The following SEPTIN4 variants were observed in gnomAD, a reference collection of about 807,000 sequenced individuals.
SEPTIN4 encodes septin-4.
A neutral mutation model predicts 107.1 loss-of-function variants in SEPTIN4; 52 were observed. The observed-to-expected ratio is 0.49, with a 90% CI of 0.39 to 0.61. The LOEUF (loss-of-function observed/expected upper bound fraction) is 0.61, where lower values mean the gene tolerates loss of function less well. Among genes scored for constraint, SEPTIN4 ranks in the 20% least tolerant of loss-of-function variants. SEPTIN4 has a pLI of 0.00. For synonymous variants in SEPTIN4, 417 were observed against 467.0 expected (o/e 0.89, Z 1.38); for missense variants, 1,048 against 1,243.5 (o/e 0.84, Z 2.36).
chr17:58,531,375 C>G (rs1056583698), intron 3 of SEPTIN4: 1 of 152,302 alleles, frequency 6.6e-6, no homozygotes, highest in Non-Finnish European at 1.5e-5. Context: ...CTAATCCCAC[C>G]GGGCAGGATG....
Position 58,525,763 on chromosome 17 carries a change from T to A in SEPTIN4, c.2024A>T (p.Lys675Ile). ...GAAGAGGCTATTGACAAGTGTGGAT[T>A]TGCCCAGGCCAGACTCTCCTGAGAG... ...LMVAGESGLG[K>I]STLVNSLFLT... Residue 675 changes from lysine (K) to isoleucine (I), a missense_variant, in exon 6 of 14, where the codon AAA (lysine) becomes ATA (isoleucine). Lys to Ile is a moderately radical substitution (Grantham distance 102, BLOSUM62 -3). Transcript: ENST00000672673. 1 of 1,614,148 alleles carries A rather than the reference T, an allele frequency of 6.2e-7. No individual in the cohort carries two copies. The highest frequency in any genetic ancestry group is 1.1e-5 in the South Asian group (1 of 91,078).
At position 58,525,781 on chromosome 17, in the gene SEPTIN4, C is replaced by T; in HGVS notation, c.2006G>A (p.Gly669Glu). ...KGFDFTLMVA[G>E]ESGLGKSTLV... ...TGTGGATTTGCCCAGGCCAGACTCTCCTGAGAGGAGAGAGGACAGAGGCAC... is the reference window on the plus strand; with the variant it reads ...TGTGGATTTGCCCAGGCCAGACTCTTCTGAGAGGAGAGAGGACAGAGGCAC... Residue 669 changes from glycine (G) to glutamate (E), a missense_variant and splice_region_variant, in exon 6 of 14, where the codon GGA becomes GAA. By Grantham distance (98) the Gly-to-Glu change is moderately conservative. This residue lies in a region of SEPTIN4 where 787 missense variants were observed against 871.8 expected (regional missense o/e 0.90). Coordinates refer to ENST00000672673, the MANE Select transcript of SEPTIN4 (RefSeq NM_001368771.2). 1 of 1,613,584 alleles carries T rather than the reference C, an allele frequency of 6.2e-7. No individual in the cohort carries two copies. Among genetic ancestry groups the T allele is most frequent in the Non-Finnish European group, 8.5e-7 (1 of 1,179,506 alleles).
rs749736517 is a variant in SEPTIN4, at chr17:58,521,370, C to A, written c.2572-20G>T. On this transcript the variant is annotated intron_variant, in intron 10 of 13. Transcript: ENST00000672673. This position sits in a 1 kb window ranked among gnomAD's most constrained non-coding sequence, Gnocchi z 6.4. ...GCTTTCCTGGAAGAGGTTAGGGGTG[C>A]CTGTCAGCACCCTCTGTTCTCACCT... is the stretch of plus-strand genomic sequence containing the variant. The A allele has an allele frequency of 3.7e-6, 6 of 1,606,606 alleles. No homozygotes were observed. Among genetic ancestry groups the A allele is most frequent in the South Asian group, 1.1e-5 (1 of 90,924 alleles).
In SEPTIN4 at chr17:58,543,287, A is replaced by G; in HGVS notation, c.900T>C (p.Ser300=). 1 of 1,614,198 alleles carries G rather than the reference A, an allele frequency of 6.2e-7. No individual in the cohort carries two copies. Among genetic ancestry groups the G allele is most frequent in the Non-Finnish European group, 8.5e-7 (1 of 1,180,046 alleles). Residue 300 remains serine, a synonymous_variant, in exon 1 of 14, where the codon TCT becomes TCC. Transcript: ENST00000672673. ...CGGAGGGCTTGGTTTCAGGATAGGC[A>G]GAATACTTATGAAGAGACTCAGGGT... The part of the protein sequence containing the change: ...RVDPESLHKY[S]AYPETKPSAK...
intron 7 of SEPTIN4, 48 bp from the exon 8 acceptor site, chr17:58,522,149 C>T (rs2042343200): frequency 6.2e-7 from 1 of 1,609,606 alleles, no homozygotes; most frequent in Admixed American, 1.7e-5. Context: ...TGGGAGCCAC[C>T]TAGTGAGCTC....
At chr17:58,520,912 T>C (rs1353276753) in intron 12 of SEPTIN4, 70 bp from the exon 13 acceptor site, 22 of 1,612,158 alleles carry the variant, frequency 1.4e-5, no homozygotes, top group South Asian at 5.5e-5. Flanking sequence ...CCAGGGCCTA[T>C]AGAAGAACAA....
chr17:58,539,319 G>C, intron 3 of SEPTIN4: 1 of 617,548 alleles, frequency 1.6e-6, no homozygotes, highest in Non-Finnish European at 2.7e-6. Flanking sequence ...GGATGAAGGT[G>C]GGGGAGAACA....
chr17:58,526,013 G>C (rs2042820195), intron 5 of SEPTIN4, among the ~76,000 whole-genome samples: 1 of 152,070 alleles, frequency 6.6e-6, no homozygotes, highest in Admixed American at 6.5e-5. Flanking sequence ...TTGGTCAGAT[G>C]CTCTTTGCAA....
chr17:58,523,603 T>C (rs1242627050), intron 7 of SEPTIN4, among the ~76,000 whole-genome samples: 1 of 151,880 alleles, frequency 6.6e-6, no homozygotes, highest in African/African-American at 2.4e-5. Flanking sequence ...CTCTCAGGGA[T>C]AGGAATCATT....
intron 3 of SEPTIN4, chr17:58,529,088 C>T: frequency 1.2e-6 from 2 of 1,612,704 alleles, no homozygotes; most frequent in Non-Finnish European, 1.7e-6. Flanking sequence ...AGGTCACGTC[C>T]ACCCATCTCC....
At chr17:58,530,785 C>G (rs560694979) in intron 3 of SEPTIN4, 1 of 152,612 alleles carries the variant, frequency 6.6e-6, no homozygotes, top group East Asian at 1.9e-4. Flanking sequence ...GGACAGGCCT[C>G]TCTCAGGAAC....
chr17:58,543,571 G>T lies in SEPTIN4; in HGVS notation c.616C>A (p.Pro206Thr), dbSNP rs2043943213. The T allele has an allele frequency of 6.2e-7, 1 of 1,614,070 alleles. No homozygotes were observed. The highest frequency in any genetic ancestry group is 1.1e-5 in the South Asian group (1 of 91,084). ...CTAGTAGTCGTAATTCTTTGGATGG[G>T]CTCAGTTTGTACTGCTTCATCCTTT... ...YPKDEAVQTE[P>T]IQRITTTSEI... Residue 206 changes from proline (P) to threonine (T), a missense_variant, in exon 1 of 14, where the codon CCC (proline) becomes ACC (threonine). Physicochemically the swap from Pro to Thr is conservative, Grantham distance 38 (BLOSUM62 -1). This residue lies in a region of SEPTIN4 where 787 missense variants were observed against 871.8 expected (regional missense o/e 0.90). Coordinates refer to ENST00000672673, the MANE Select transcript of SEPTIN4 (RefSeq NM_001368771.2).
Position 58,542,774 on chromosome 17 carries a change from C to A in SEPTIN4, c.1413G>T (p.Glu471Asp), listed in dbSNP as rs1270450747. ...GFKIDSSPFC[E>D]DLKFQREKAS... ...CCTTCTCTCTCTGGAACTTCAGATC[C>A]TCACAGAAAGGGCTAGAGTCTATTT... is the stretch of plus-strand genomic sequence containing the variant. The change falls in exon 1 of 14, where the codon GAG becomes GAT. Residue 471 changes from glutamate to aspartate, a missense_variant. This residue lies in a region of SEPTIN4 where 787 missense variants were observed against 871.8 expected (regional missense o/e 0.90). Transcript: ENST00000672673. 6.2e-7 allele frequency: 1 copy of A among 1,614,158 alleles called. No homozygotes were observed. Among genetic ancestry groups the A allele is most frequent in the South Asian group, 1.1e-5 (1 of 91,080 alleles).
rs748481139 is a variant in SEPTIN4, at chr17:58,521,276, G to A, written c.2646C>T (p.Leu882=). Residue 882 remains leucine, a synonymous_variant, in exon 11 of 14, where the codon CTC becomes CTT. Coordinates refer to ENST00000672673, the MANE Select transcript of SEPTIN4 (RefSeq NM_001368771.2). This position sits in a 1 kb window ranked among gnomAD's most constrained non-coding sequence, Gnocchi z 6.4. ...TACCTTCCACGATGCCCCAGGGGTA[G>A]AGTCGACCCCGAACTCGCCGCCCTC... ...EARGRRVRGR[L]YPWGIVEVEN... The A allele has an allele frequency of 1.3e-4, 215 of 1,614,116 alleles. No homozygotes were observed. Among genetic ancestry groups the A allele is most frequent in the Non-Finnish European group, 1.6e-4 (188 of 1,180,050 alleles).
Position 58,544,188 on chromosome 17 carries a change from T to G in SEPTIN4, c.-2A>C. The G allele has an allele frequency of 6.2e-7, 1 of 1,606,616 alleles. No individual in the cohort carries two copies. Among genetic ancestry groups the G allele is most frequent in the African/African-American group, 1.3e-5 (1 of 74,958 alleles). ...CCCAGGTTTATTTGTCTTGACCATC[T>G]GATAGATTGTGCCCTTCTGAGTAGA... On this transcript the variant is annotated 5_prime_UTR_variant, in exon 1 of 14. Coordinates refer to ENST00000672673, the MANE Select transcript of SEPTIN4 (RefSeq NM_001368771.2).
At position 58,543,925 on chromosome 17, in the gene SEPTIN4, G is replaced by C. The variant is rs8071623; in HGVS notation, c.262C>G (p.Pro88Ala). ...GHYAVPTPRG[P>A]ETGPRTESSR... ...GATTCTGTTCTTGGTCCAGTCTCGG[G>C]TCCCCGAGGAGTGGGTACTGCATAG... The change falls in exon 1 of 14, where the codon CCC (proline) becomes GCC (alanine). Residue 88 changes from proline (P) to alanine (A), a missense_variant. Transcript: ENST00000672673. The C allele has an allele frequency of 6.2e-7, 1 of 1,613,758 alleles. No homozygotes were observed. The highest frequency in any genetic ancestry group is 8.5e-7 in the Non-Finnish European group (1 of 1,179,938).
At position 58,520,383 on chromosome 17, in the gene SEPTIN4, G is replaced by A; in HGVS notation, c.*43C>T. 6.3e-7 allele frequency: 1 copy of A among 1,595,410 alleles called. No homozygotes were observed. The highest frequency in any genetic ancestry group is 8.6e-7 in the Non-Finnish European group (1 of 1,166,490). ...GTGCTGGGAGGGGCCGGCATGGACA[G>A]GAAGAAGAGGAGGAGATTTAAATAT... is the stretch of plus-strand genomic sequence containing the variant. On this transcript the variant is annotated 3_prime_UTR_variant, in exon 14 of 14. Transcript: ENST00000672673.
chr17:58,526,368 A>AT (rs1179182524), intron 4 of SEPTIN4, 55 bp from the exon 5 acceptor site: 1 of 1,451,042 alleles, frequency 6.9e-7, no homozygotes, highest in Non-Finnish European at 9.1e-7. Flanking sequence ...GGGCCCCGGC[A>AT]CCCAGCGCCA....
intron 3 of SEPTIN4, chr17:58,527,769 G>C: frequency 1.1e-6 from 1 of 917,382 alleles, no homozygotes; most frequent in Non-Finnish European, 1.3e-6. Flanking sequence ...CAGAGCTTCT[G>C]ACAGCCCCCA....
Sources: gnomAD v4.1 joint callset for allele counts (sites outside exome capture counted in the v4.1 genomes callset) on GRCh38, gnomAD v4.1.1 for gene constraint, gnomAD v4.1.1 regional missense constraint, Gnocchi (gnomAD v3.1) non-coding constraint, MANE v1.5 for transcripts, NCBI Gene and HGNC (gene_info 2026-07-23, HGNC 2026-07-21) for gene names.